The following KHDRBS2 variants were observed in gnomAD, a reference collection of about 807,000 sequenced individuals.
KHDRBS2 encodes the protein KH domain-containing, RNA-binding, signal transduction-associated protein 2.
Under a neutral mutation model 44.3 loss-of-function variants are expected in KHDRBS2, and 26 were observed. The observed-to-expected ratio is 0.59, with a 90% CI of 0.43 to 0.81. The LOEUF is 0.81. Ranked by LOEUF, KHDRBS2 falls within the 40% of genes least tolerant of loss-of-function variation. KHDRBS2 has a pLI of 0.00. For missense variants in KHDRBS2, 476 were observed against 433.1 expected (o/e 1.10, Z -0.88); for synonymous variants, 194 against 151.1 (o/e 1.28, Z -2.08).
intron 4 of KHDRBS2, among the ~76,000 whole-genome samples, chr6:61,948,245 CTAAG>C (rs904799718): frequency 2.6e-5 from 4 of 152,020 alleles, no homozygotes; most frequent in African/African-American, 9.7e-5. Flanking sequence ...ATGAATGTAG[CTAAG>C]TAAGTGGCTT....
intron 4 of KHDRBS2, among the ~76,000 whole-genome samples, chr6:61,949,068 G>A (rs950386173): frequency 2.0e-5 from 3 of 151,976 alleles, no homozygotes; most frequent in Admixed American, 6.6e-5. Context: ...CCAAAAGATC[G>A]TTCTCATCTT....
At chr6:62,235,175 C>A (rs1283396469) in intron 1 of KHDRBS2, among the ~76,000 whole-genome samples, 2 of 145,680 alleles carry the variant, frequency 1.4e-5, no homozygotes, top group African/African-American at 5.1e-5. Context: ...GTTGACCAAA[C>A]ACTTAACACA....
At chr6:62,139,031 T>C (rs1812173536) in intron 2 of KHDRBS2, among the ~76,000 whole-genome samples, 1 of 152,032 alleles carries the variant, frequency 6.6e-6, no homozygotes, top group African/African-American at 2.4e-5. Flanking sequence ...TATCATGAAA[T>C]GGGTAGTGCT....
At chr6:62,243,737 G>T (rs1835077682) in intron 1 of KHDRBS2, among the ~76,000 whole-genome samples, 1 of 152,040 alleles carries the variant, frequency 6.6e-6, no homozygotes, top group Admixed American at 6.6e-5. Flanking sequence ...CCAATTCTCA[G>T]TTTATAATCA....
intron 4 of KHDRBS2, among the ~76,000 whole-genome samples, chr6:61,950,316 TA>T (rs1764486055): frequency 6.6e-6 from 1 of 152,098 alleles, no homozygotes. Flanking sequence ...GATCGTATAG[TA>T]ATCACTACTG....
At chr6:61,580,724 G>T in the KHDRBS2 span, among the ~76,000 whole-genome samples, 5 of 151,834 alleles carry the variant, frequency 3.3e-5, no homozygotes, top group South Asian at 2.1e-4. Context: ...TGTAACACTC[G>T]CTGTGAAGGT....
chr6:62,108,563 G>C (rs1014082701), intron 2 of KHDRBS2, among the ~76,000 whole-genome samples: 6 of 152,112 alleles, frequency 3.9e-5, no homozygotes, highest in East Asian at 1.9e-4. Context: ...TCTAGAACTA[G>C]AAATACCATT....
intron 7 of KHDRBS2, among the ~76,000 whole-genome samples, chr6:61,726,656 T>G (rs1773619506): frequency 6.6e-6 from 1 of 152,060 alleles, no homozygotes; most frequent in South Asian, 2.1e-4. Context: ...AAATCATGAA[T>G]AAACTCCCAT....
chr6:61,700,424 A>C (rs1768463360), intron 7 of KHDRBS2, among the ~76,000 whole-genome samples: 1 of 149,754 alleles, frequency 6.7e-6, no homozygotes, highest in African/African-American at 2.5e-5. Flanking sequence ...AGAACAGAGC[A>C]TACTAGATAT....
At chr6:61,581,433 G>A in the KHDRBS2 span, among the ~76,000 whole-genome samples, 1 of 151,162 alleles carries the variant, frequency 6.6e-6, no homozygotes, top group East Asian at 1.9e-4. Context: ...AGCAAAAATG[G>A]CAAAATTAAT....
chr6:62,269,909 T>G (rs1039639492), intron 1 of KHDRBS2, among the ~76,000 whole-genome samples: 1 of 151,994 alleles, frequency 6.6e-6, no homozygotes, highest in Non-Finnish European at 1.5e-5. Flanking sequence ...ATAAAAGAAA[T>G]AAACTATTAA....
chr6:61,798,076 A>C (rs1317108203), intron 6 of KHDRBS2, among the ~76,000 whole-genome samples: 2 of 151,944 alleles, frequency 1.3e-5, no homozygotes, highest in African/African-American at 4.8e-5. Flanking sequence ...GTGTCCATGT[A>C]TTCTTGTTGT....
At chr6:61,880,597 T>C (rs1399628589) in intron 6 of KHDRBS2, among the ~76,000 whole-genome samples, 1 of 151,940 alleles carries the variant, frequency 6.6e-6, no homozygotes, top group Non-Finnish European at 1.5e-5. Flanking sequence ...ATTTGGAATA[T>C]AAAACAGACA....
At chr6:62,192,617 G>A (rs1332513132) in intron 1 of KHDRBS2, among the ~76,000 whole-genome samples, 1 of 152,070 alleles carries the variant, frequency 6.6e-6, no homozygotes, top group Non-Finnish European at 1.5e-5. Context: ...CAATTTTCCT[G>A]AATATATAGA....
chr6:61,727,244 C>T (rs1180310676), intron 7 of KHDRBS2, among the ~76,000 whole-genome samples: 1 of 152,116 alleles, frequency 6.6e-6, no homozygotes, highest in African/African-American at 2.4e-5. Flanking sequence ...AAAATTGAAA[C>T]TGGACCCCTT....
At position 61,848,511 on chromosome 6, in the gene KHDRBS2, G is replaced by GTATATATATA. The variant is rs1178845054; in HGVS notation, c.810+46123_810+46124insTATATATATA. ...TATATGTATATATATATATATATAT[G>GTATATATATA]TATATATGTATATATATATACATAT... is the stretch of plus-strand genomic sequence containing the variant. On this transcript the variant is annotated intron_variant, in intron 6 of 8. Coordinates refer to ENST00000281156, the MANE Select transcript of KHDRBS2 (RefSeq NM_152688.4). Among the ~76,000 whole-genome samples, 3 of 30,074 alleles carry GTATATATATA rather than the reference G, an allele frequency of 1.0e-4. 1 individual carries two copies. The highest frequency in any genetic ancestry group is 3.8e-4 in the African/African-American group (2 of 5,234). The allele number at this position is 30,074 out of a possible 152,430, so 19.7% of individuals were successfully genotyped here.
At chr6:61,795,717 T>C (rs1307694807) in intron 6 of KHDRBS2, among the ~76,000 whole-genome samples, 1 of 152,176 alleles carries the variant, frequency 6.6e-6, no homozygotes, top group Non-Finnish European at 1.5e-5. Flanking sequence ...CTGAAAATCA[T>C]TTTTACATTT....
chr6:61,590,976 A>G, the KHDRBS2 span, among the ~76,000 whole-genome samples: 1 of 152,244 alleles, frequency 6.6e-6, no homozygotes, highest in Non-Finnish European at 1.5e-5. Context: ...ATAATTTACA[A>G]TAAGAAATTG....
At chr6:62,060,666 A>G (rs957400640) in intron 2 of KHDRBS2, among the ~76,000 whole-genome samples, 11 of 151,338 alleles carry the variant, frequency 7.3e-5, no homozygotes, top group African/African-American at 2.7e-4. Flanking sequence ...AACAAATTTA[A>G]AAGAGAAATA....
Sources: allele counts gnomAD v4.1 joint callset (sites outside exome capture counted in the v4.1 genomes callset), GRCh38; gene constraint gnomAD v4.1.1; transcripts MANE v1.5; gene names NCBI Gene and HGNC (gene_info 2026-07-23, HGNC 2026-07-21).